NSF: variants seen among roughly 807,000 people sequenced by gnomAD.
The protein encoded by NSF is N-ethylmaleimide sensitive factor, vesicle fusing ATPase.
Under a neutral mutation model 50.3 loss-of-function variants are expected in NSF, and 14 were observed. The observed-to-expected ratio is 0.28, with a 90% CI of 0.18 to 0.44. NSF has a LOEUF of 0.44. Ranked by LOEUF, NSF falls within the 20% of genes least tolerant of loss-of-function variation. NSF has a pLI of 1.00. For synonymous variants in NSF, 109 were observed against 175.7 expected (o/e 0.62, Z 3.00); for missense variants, 218 against 504.3 (o/e 0.43, Z 5.44).
chr17:46,657,196 A>G (rs1344585449), intron 8 of NSF, among the ~76,000 whole-genome samples: 21 of 103,468 alleles, frequency 2.0e-4, no homozygotes, highest in Non-Finnish European at 4.2e-4. Context: ...TTTCTTTAAG[A>G]TAAATTCCTG....
intron 17 of NSF, among the ~76,000 whole-genome samples, chr17:46,736,808 A>C (rs1215239958): frequency 6.6e-6 from 1 of 152,212 alleles, no homozygotes; most frequent in Non-Finnish European, 1.5e-5. Flanking sequence ...ATTTAATTGA[A>C]TATCTGAAAT....
chr17:46,713,990 T>C lies in NSF; in HGVS notation c.1761+4T>C. 1 of 1,598,092 alleles carries C rather than the reference T, an allele frequency of 6.3e-7. No individual in the cohort carries two copies. Among genetic ancestry groups the C allele is most frequent in the Non-Finnish European group, 8.5e-7 (1 of 1,175,918 alleles). On this transcript the variant is annotated splice_donor_region_variant and intron_variant, in intron 15 of 20. Coordinates refer to ENST00000398238, the MANE Select transcript of NSF (RefSeq NM_006178.4). ...CAAATGTCAGGCCATGAAGAAGGTATCAAGATTTTACTTTCATTTTAATTT... is the reference window on the plus strand; with the variant it reads ...CAAATGTCAGGCCATGAAGAAGGTACCAAGATTTTACTTTCATTTTAATTT...
intron 19 of NSF, among the ~76,000 whole-genome samples, chr17:46,754,661 GACCTGAACGAAGC>G (rs2059215890): frequency 6.6e-6 from 1 of 152,146 alleles, no homozygotes; most frequent in South Asian, 2.1e-4. Context: ...TAATAATAAC[GACCTGAACGAAGC>G]ACCTGAAACA....
chr17:46,736,248 G>A (rs1234342677), intron 17 of NSF, among the ~76,000 whole-genome samples: 2 of 152,208 alleles, frequency 1.3e-5, no homozygotes, highest in Admixed American at 6.5e-5. Context: ...GAATTGCCAA[G>A]ATCAGTAGGC....
At chr17:46,716,526 G>A (rs2058771763) in intron 15 of NSF, among the ~76,000 whole-genome samples, 1 of 152,144 alleles carries the variant, frequency 6.6e-6, no homozygotes, top group Admixed American at 6.6e-5. Context: ...CGAAGTGCTG[G>A]AATTACAGGC....
At chr17:46,714,054 G>T (rs938579243) in intron 15 of NSF, 68 bp downstream of exon 15, 2 of 1,480,422 alleles carry the variant, frequency 1.4e-6, no homozygotes, top group Non-Finnish European at 1.8e-6. Context: ...ACATATATAT[G>T]CCTTTGTACA....
intron 15 of NSF, among the ~76,000 whole-genome samples, chr17:46,725,015 A>G (rs769098004): frequency 1.4e-4 from 22 of 152,194 alleles, no homozygotes; most frequent in Non-Finnish European, 2.6e-4. Context: ...TTACTCTCTA[A>G]TAAGGCATTA....
intron 17 of NSF, among the ~76,000 whole-genome samples, chr17:46,747,503 C>T (rs1219770946): frequency 6.6e-6 from 1 of 152,184 alleles, no homozygotes; most frequent in African/African-American, 2.4e-5. Context: ...AAGTCTCAAA[C>T]TCCTGGGCTC....
At chr17:46,751,079 A>G (rs558175519) in intron 18 of NSF, among the ~76,000 whole-genome samples, 1 of 152,288 alleles carries the variant, frequency 6.6e-6, no homozygotes, top group Non-Finnish European at 1.5e-5. Flanking sequence ...GGCCCCCAAC[A>G]AAATTGAAAT....
intron 15 of NSF, among the ~76,000 whole-genome samples, chr17:46,722,418 G>T (rs1018353065): frequency 6.6e-6 from 1 of 152,194 alleles, no homozygotes; most frequent in Non-Finnish European, 1.5e-5. Context: ...AGTTGTACTA[G>T]TCTGGCTAGG....
At chr17:46,635,818 T>TGTGTGTGTGTGTGTGTGTGTGC (rs1208936942) in intron 4 of NSF, among the ~76,000 whole-genome samples, 4 of 138,458 alleles carry the variant, frequency 2.9e-5, no homozygotes, top group African/African-American at 1.1e-4. Flanking sequence ...TGTGTGTGTG[T>TGTGTGTGTGTGTGTGTGTGTGC]GCTCGTGTGT....
At chr17:46,747,580 A>T (rs1032731376) in intron 17 of NSF, among the ~76,000 whole-genome samples, 30 of 152,188 alleles carry the variant, frequency 2.0e-4, no homozygotes, top group African/African-American at 7.2e-4. Flanking sequence ...GGCCTCAGAG[A>T]TCTAAAACAA....
chr17:46,751,643 TCAGA>T (rs1352524547), intron 19 of NSF, 27 bp downstream of exon 19: 3 of 1,451,116 alleles, frequency 2.1e-6, no homozygotes, highest in African/African-American at 2.8e-5. Context: ...TCCGTATGAC[TCAGA>T]CAGAACAAAG....
chr17:46,731,011 C>A (rs1057014871), intron 17 of NSF, among the ~76,000 whole-genome samples: 2 of 152,120 alleles, frequency 1.3e-5, no homozygotes, highest in Non-Finnish European at 2.9e-5. Context: ...TATAACCCAG[C>A]TATTCCACCA....
chr17:46,704,933 C>T (rs2058644789), intron 13 of NSF, 79 bp downstream of exon 13: 37 of 1,446,380 alleles, frequency 2.6e-5, no homozygotes, highest in Non-Finnish European at 3.2e-5. Context: ...GTGCCATTTA[C>T]TCAGTATTAT....
intron 15 of NSF, among the ~76,000 whole-genome samples, chr17:46,714,679 G>A (rs1000961822): frequency 4.6e-5 from 7 of 152,200 alleles, no homozygotes; most frequent in Non-Finnish European, 7.3e-5. Context: ...TTAAATGGCT[G>A]TTCCATCTTA....
chr17:46,755,343 C>A lies in NSF; in HGVS notation c.2187C>A (p.Phe729Leu). The change falls in exon 20 of 21, where the codon TTC becomes TTA. Residue 729 changes from phenylalanine (F) to leucine (L), a missense_variant. Transcript: ENST00000398238. ...ATCCTGAATACCGTGTGAGAAAATT[C>A]TTGGCCCTCTTAAGAGAAGAAGGAG... ...QMDPEYRVRK[F>L]LALLREEGAS... is the part of the protein sequence containing the mutation. 1 of 1,613,760 alleles carries A rather than the reference C, an allele frequency of 6.2e-7. No individual in the cohort carries two copies. Among genetic ancestry groups the A allele is most frequent in the South Asian group, 1.1e-5 (1 of 91,070 alleles).
chr17:46,743,710 T>C (rs879655406), intron 17 of NSF, among the ~76,000 whole-genome samples: 8 of 152,206 alleles, frequency 5.3e-5, no homozygotes, highest in Admixed American at 5.2e-4. Flanking sequence ...AACTGGCCTG[T>C]CCTTGGGGCA....
Position 46,714,296 on chromosome 17 carries a change from A to G in NSF, c.1761+310A>G, listed in dbSNP as rs542778421. Among the ~76,000 whole-genome samples, 6 of 152,368 alleles carry G rather than the reference A, an allele frequency of 3.9e-5. No homozygotes were observed. The South Asian group carries it at 1.2e-3, about 32-fold the overall frequency. ...TTGAAAGTGTTTGAATAAAGTGGAC[A>G]AATTCATTTAGGATTTTTTAAAGTT... is the stretch of plus-strand genomic sequence containing the variant. On this transcript the variant is annotated intron_variant, in intron 15 of 20. Transcript: ENST00000398238.
Sources: allele counts gnomAD v4.1 joint callset (sites outside exome capture counted in the v4.1 genomes callset), GRCh38; gene constraint gnomAD v4.1.1; transcripts MANE v1.5; gene names NCBI Gene and HGNC (gene_info 2026-07-23, HGNC 2026-07-21).